Variants in PFKFB3 observed in about 807,000 individuals in gnomAD.
PFKFB3 encodes 6-phosphofructo-2-kinase/fructose-2,6-biphosphatase 3.
PFKFB3 carries 33 observed loss-of-function variants against 68.0 expected under a neutral mutation model. The ratio of observed to expected loss-of-function variants is 0.49; its 90% confidence interval spans 0.37 to 0.65. The LOEUF (loss-of-function observed/expected upper bound fraction) is 0.65, where lower values mean the gene tolerates loss of function less well. Among genes scored for constraint, PFKFB3 ranks in the 30% least tolerant of loss-of-function variants. The pLI, the probability that PFKFB3 is intolerant of heterozygous loss-of-function variation, is 0.00. For synonymous variants in PFKFB3, 315 were observed against 288.2 expected (o/e 1.09, Z -0.94); for missense variants, 586 against 712.2 (o/e 0.82, Z 2.02).
At chr10:6,258,223 C>A (rs1341928), downstream of PFKFB3, among the ~76,000 whole-genome samples, 114,647 of 152,104 alleles carry the variant, frequency 0.75, 46,107 homozygotes, top group Non-Finnish European at 0.9. Flanking sequence ...TATGCACATA[C>A]AGAAAAAAGT....
At chr10:6,216,279 T>A in intron 4 of PFKFB3, 88 bp downstream of exon 4, 1 of 1,264,914 alleles carries the variant, frequency 7.9e-7, no homozygotes, top group Non-Finnish European at 1.2e-6. Context: ...GACCTGTGCC[T>A]CTGGCCCTGA....
downstream of PFKFB3, among the ~76,000 whole-genome samples, chr10:6,255,427 CCT>C (rs776019840): frequency 1.2e-3 from 183 of 152,318 alleles, no homozygotes; most frequent in Non-Finnish European, 2.0e-3. Flanking sequence ...ACTGGCCCAA[CCT>C]CTGTTTCTTT....
intron 1 of PFKFB3, among the ~76,000 whole-genome samples, chr10:6,207,394 C>A (rs1030979252): frequency 6.6e-6 from 1 of 152,234 alleles, no homozygotes; most frequent in South Asian, 2.1e-4. Flanking sequence ...GCAGTACAGT[C>A]CAGCTTTGGC....
At chr10:6,198,599 C>G (rs1252466136), upstream of PFKFB3, among the ~76,000 whole-genome samples, 1 of 152,254 alleles carries the variant, frequency 6.6e-6, no homozygotes, top group Non-Finnish European at 1.5e-5. Context: ...TCTTGTGCCT[C>G]AGCCTCCCGA....
rs767953695 is a variant in PFKFB3 at position 6,228,255 on chromosome 10, GC to G, written c.1515+1891del. ...TCCGATCATCGCTGCTGCTTGCACT[GC>G]TTTCTTCCTGCTTGCTCATTTGGCC... is the stretch of plus-strand genomic sequence containing the variant. On this transcript the variant is annotated intron_variant, in intron 14 of 14. Transcript: ENST00000379775. The surrounding 1 kb of genome is among the most constrained non-coding windows in gnomAD (Gnocchi z 4.5). 22 of 1,611,192 alleles carry G rather than the reference GC, an allele frequency of 1.4e-5. No individual in the cohort carries two copies. Among genetic ancestry groups the G allele is most frequent in the Non-Finnish European group, 1.8e-5 (21 of 1,178,658 alleles).
chr10:6,147,226 G>T (rs922457764), intron 1 of PFKFB3, among the ~76,000 whole-genome samples: 6 of 152,230 alleles, frequency 3.9e-5, no homozygotes, highest in African/African-American at 1.4e-4. Context: ...AGACGCCAGT[G>T]CAGCTACTCT....
rs1844472258 is a variant in PFKFB3, at chr10:6,215,080, C to T, written c.203-141C>T. 1.5e-6 allele frequency: 1 copy of T among 673,236 alleles called. No homozygotes were observed. The highest frequency in any genetic ancestry group is 1.8e-5 in the African/African-American group (1 of 56,076). The allele number at this position is 673,236 out of a possible 1,614,324, so 41.7% of individuals were successfully genotyped here. The stretch of plus-strand genomic sequence containing the variant: ...GTTGAGGGTAGCGTAGGACTGGGCG[C>T]CGGCATTGCTTCCACACCATCTCAT... On this transcript the variant is annotated intron_variant, in intron 2 of 14. Coordinates refer to ENST00000379775, the MANE Select transcript of PFKFB3 (RefSeq NM_004566.4). This position sits in a 1 kb window ranked among gnomAD's most constrained non-coding sequence, Gnocchi z 4.3.
chr10:6,181,353 CAA>C (rs1179802464), intron 1 of PFKFB3, among the ~76,000 whole-genome samples: 3 of 152,070 alleles, frequency 2.0e-5, no homozygotes, highest in Non-Finnish European at 4.4e-5. Flanking sequence ...TTCACAGTAA[CAA>C]AGAGGTGGGA....
At chr10:6,223,904 A>C (rs1845139553) in intron 11 of PFKFB3, 54 bp from the exon 12 acceptor site, 31 of 1,509,284 alleles carry the variant, frequency 2.1e-5, no homozygotes, top group Non-Finnish European at 2.9e-5. Flanking sequence ...GGCGTGAGCC[A>C]CCACGCCTGG....
In PFKFB3 at chr10:6,226,377, C is replaced by G. The variant is rs1193228029; in HGVS notation, c.1515+12C>G. On this transcript the variant is annotated intron_variant, in intron 14 of 14. Coordinates refer to ENST00000379775, the MANE Select transcript of PFKFB3 (RefSeq NM_004566.4). The stretch of plus-strand genomic sequence containing the variant: ...AGCTGCCTGGACAAGTCAGTGCACT[C>G]CCCTTTCCTTCCTGCCTGGGGGACG... The G allele has an allele frequency of 6.3e-7, 1 of 1,592,390 alleles. No homozygotes were observed. The highest frequency in any genetic ancestry group is 8.5e-7 in the Non-Finnish European group (1 of 1,170,010).
intron 1 of PFKFB3, among the ~76,000 whole-genome samples, chr10:6,187,888 C>T (rs558041322): frequency 2.6e-5 from 4 of 152,248 alleles, no homozygotes; most frequent in South Asian, 2.1e-4. Context: ...TTCCATAGCA[C>T]TCTCACCTAG....
At chr10:6,184,197 T>C (rs1842805611) in intron 1 of PFKFB3, among the ~76,000 whole-genome samples, 1 of 151,380 alleles carries the variant, frequency 6.6e-6, no homozygotes, top group South Asian at 2.1e-4. Flanking sequence ...GGGTTGTAGG[T>C]GCCCACCACC....
chr10:6,312,156 G>A, the PFKFB3 span, among the ~76,000 whole-genome samples: 428 of 152,302 alleles, frequency 2.8e-3, 2 homozygotes, highest in African/African-American at 9.8e-3. Flanking sequence ...TTGGCTGTCT[G>A]TCGTCATCTC....
At chr10:6,218,905 C>T (rs751952847) in intron 6 of PFKFB3, among the ~76,000 whole-genome samples, 7 of 152,208 alleles carry the variant, frequency 4.6e-5, no homozygotes, top group Admixed American at 1.3e-4. Flanking sequence ...CTCTCAGTGA[C>T]GGCAGTGGTT....
chr10:6,254,343 T>C, exon 15 of PFKFB3: 1 of 398,542 alleles, frequency 2.5e-6, no homozygotes, highest in Non-Finnish European at 4.4e-6. Context: ...TCCTCACCTT[T>C]CTGGCTCTGC....
chr10:6,227,180 A>ATTTGTTTTCAGAAAACTG (rs779910581), intron 14 of PFKFB3, among the ~76,000 whole-genome samples: 3 of 152,042 alleles, frequency 2.0e-5, no homozygotes, highest in African/African-American at 7.3e-5. Flanking sequence ...AGACATTAAG[A>ATTTGTTTTCAGAAAACTG]TTTGTTTTCA....
intron 14 of PFKFB3, chr10:6,231,207 C>CT (rs35890201): frequency 0.2 from 186,427 of 938,120 alleles, 4,555 homozygotes; most frequent in Non-Finnish European, 0.22. Context: ...TAAAGATTTT[C>CT]TTTTTTTTTT....
intron 1 of PFKFB3, among the ~76,000 whole-genome samples, chr10:6,171,120 T>C (rs1435336566): frequency 6.6e-6 from 1 of 152,174 alleles, no homozygotes; most frequent in Non-Finnish European, 1.5e-5. Context: ...TGTTCTTGGC[T>C]CACCGCAACC....
At chr10:6,145,019 A>G in intron 1 of PFKFB3, 1 of 1,335,694 alleles carries the variant, frequency 7.5e-7, no homozygotes. Context: ...GAAAGGTAGG[A>G]GTCCCGGTGA....
Sources: allele counts gnomAD v4.1 joint callset (sites outside exome capture counted in the v4.1 genomes callset), GRCh38; gene constraint gnomAD v4.1.1; non-coding constraint Gnocchi (gnomAD v3.1); transcripts MANE v1.5; gene names NCBI Gene and HGNC (gene_info 2026-07-23, HGNC 2026-07-21).